The following GRID2 variants were observed in gnomAD, a reference collection of about 807,000 sequenced individuals.
GRID2 encodes the protein glutamate ionotropic receptor delta type subunit 2, also known as glutamate receptor ionotropic, delta-2.
GRID2 carries 33 observed loss-of-function variants against 114.8 expected under a neutral mutation model. That is an observed-to-expected ratio of 0.29 (90% CI 0.22 to 0.38). GRID2 has a LOEUF of 0.38. Among genes scored for constraint, GRID2 ranks in the 10% least tolerant of loss-of-function variants. The probability of loss-of-function intolerance (pLI) is 1.00; values close to 1 mark genes in which losing one functional copy is unlikely to be tolerated. For missense variants in GRID2, 1,184 were observed against 1,257.7 expected, an observed-to-expected ratio of 0.94 and a Z score of 0.89; for synonymous variants, 505 against 449.9, an observed-to-expected ratio of 1.12 and a Z score of -1.55.
In GRID2 at chr4:92,399,665, CTATATA is replaced by C. The variant is rs70940884; in HGVS notation, c.88+94936_88+94941del. Reference sequence around the variant, plus strand: ...TCTCTCTCTCTCTCTCTCTCTCTCTCTATATATATATATATATATACATACATGTGT... The same window carrying C: ...TCTCTCTCTCTCTCTCTCTCTCTCTCTATATATATATATACATACATGTGT... On this transcript the variant is annotated intron_variant, in intron 1 of 15. Coordinates refer to ENST00000282020, the MANE Select transcript of GRID2 (RefSeq NM_001510.4). Among the ~76,000 whole-genome samples the C allele has an allele frequency of 7.4e-3, 985 of 133,894 alleles. 11 individuals are homozygous for C. Among genetic ancestry groups the C allele is most frequent in the African/African-American group, 0.03 (936 of 31,428 alleles). The allele number at this position is 133,894 out of a possible 152,430, so 87.8% of individuals were successfully genotyped here.
intron 4 of GRID2, among the ~76,000 whole-genome samples, chr4:93,156,295 T>C (rs1369709491): frequency 2.0e-5 from 3 of 151,858 alleles, no homozygotes; most frequent in South Asian, 2.1e-4. Flanking sequence ...ATTAAAGATA[T>C]GGACTTTGTG....
At chr4:93,273,738 G>A (rs1751754200) in intron 8 of GRID2, among the ~76,000 whole-genome samples, 1 of 152,080 alleles carries the variant, frequency 6.6e-6, no homozygotes, top group Admixed American at 6.6e-5. Flanking sequence ...GGAGGGATTG[G>A]GCCATGAGTG....
In GRID2 at chr4:92,504,626, C is replaced by A. The variant is rs1417426211; in HGVS notation, c.89-85505C>A. 2.0e-5 allele frequency among the ~76,000 whole-genome samples: 3 copies of A among 151,922 alleles called. No individual in the cohort carries two copies. The East Asian group carries it at 5.8e-4, about 29-fold the overall frequency. On this transcript the variant is annotated intron_variant, in intron 1 of 15. Transcript: ENST00000282020. Reference sequence around the variant, plus strand: ...AATTTTTATCACTAATAAGGTTCAGCCTCTTCAACTAGAAAAGCACAACTC... The same window carrying A: ...AATTTTTATCACTAATAAGGTTCAGACTCTTCAACTAGAAAAGCACAACTC...
chr4:92,320,725 G>A (rs1002648203), intron 1 of GRID2, among the ~76,000 whole-genome samples: 1 of 152,098 alleles, frequency 6.6e-6, no homozygotes, highest in Non-Finnish European at 1.5e-5. Context: ...CGATCCACCT[G>A]CCTCGGCCTC....
intron 8 of GRID2, among the ~76,000 whole-genome samples, chr4:93,359,228 A>T (rs1761639659): frequency 6.6e-6 from 1 of 152,060 alleles, no homozygotes; most frequent in Admixed American, 6.6e-5. Context: ...AATAAAGTTA[A>T]ACCATGCATG....
intron 2 of GRID2, among the ~76,000 whole-genome samples, chr4:92,595,605 C>T (rs923023352): frequency 6.6e-6 from 1 of 151,850 alleles, no homozygotes; most frequent in Admixed American, 6.6e-5. Flanking sequence ...TTAGATCTGC[C>T]TCATATATCT....
intron 8 of GRID2, among the ~76,000 whole-genome samples, chr4:93,326,389 G>T (rs1013466792): frequency 1.4e-4 from 21 of 152,264 alleles, no homozygotes; most frequent in African/African-American, 4.8e-4. Context: ...CCTGGTGCTT[G>T]TGTGAACGTT....
chr4:92,957,395 T>C lies in GRID2; in HGVS notation c.245-127600T>C, dbSNP rs150781268. The stretch of plus-strand genomic sequence containing the variant: ...TGGTTGTCTAGTTGTTCCAGCACTG[T>C]TTTTTGAAAAAATTTCCTTTTCTCC... On this transcript the variant is annotated intron_variant, in intron 2 of 15. Coordinates refer to ENST00000282020, the MANE Select transcript of GRID2 (RefSeq NM_001510.4). 7.6e-3 allele frequency among the ~76,000 whole-genome samples: 1,162 copies of C among 152,200 alleles called. 18 individuals carry two copies. Among genetic ancestry groups the C allele is most frequent in the African/African-American group, 0.026 (1,098 of 41,566 alleles).
At chr4:93,547,453 G>A (rs1733330919) in intron 13 of GRID2, among the ~76,000 whole-genome samples, 1 of 152,154 alleles carries the variant, frequency 6.6e-6, no homozygotes, top group Non-Finnish European at 1.5e-5. Flanking sequence ...TTCACCAAGT[G>A]GCCAAGCATT....
intron 1 of GRID2, among the ~76,000 whole-genome samples, chr4:92,444,500 C>T (rs528554694): frequency 6.6e-6 from 1 of 152,148 alleles, no homozygotes; most frequent in African/African-American, 2.4e-5. Flanking sequence ...AAGGACTGGC[C>T]ATTTACACTT....
chr4:92,606,167 T>C (rs1729440509), intron 2 of GRID2, among the ~76,000 whole-genome samples: 1 of 147,404 alleles, frequency 6.8e-6, no homozygotes, highest in Non-Finnish European at 1.5e-5. Context: ...GTGGCTTTTA[T>C]AGTTTTCTGT....
intron 2 of GRID2, among the ~76,000 whole-genome samples, chr4:92,826,695 A>G (rs969639085): frequency 1.3e-5 from 2 of 152,184 alleles, no homozygotes; most frequent in South Asian, 2.1e-4. Flanking sequence ...ATTTATAATT[A>G]TCTGTATAAG....
chr4:92,900,806 C>T (rs1340862104), intron 2 of GRID2, among the ~76,000 whole-genome samples: 8 of 139,606 alleles, frequency 5.7e-5, no homozygotes, highest in African/African-American at 1.9e-4. Flanking sequence ...TACACTCCAG[C>T]CTGGGCGACA....
At chr4:93,622,696 A>G (rs752672065) in intron 13 of GRID2, among the ~76,000 whole-genome samples, 1 of 152,188 alleles carries the variant, frequency 6.6e-6, no homozygotes, top group Admixed American at 6.5e-5. Context: ...GTTCACCTCA[A>G]CAAAAGACAG....
In GRID2 at chr4:93,269,258, C is replaced by A. The variant is rs531489447; in HGVS notation, c.1245+30768C>A. ...AAATGCCAATGTCTGTTTCCCACCC[C>A]AAATTAATAAAATCAGAGTCTAGAA... On this transcript the variant is annotated intron_variant, in intron 8 of 15. Transcript: ENST00000282020. Among the ~76,000 whole-genome samples, 4 of 152,208 alleles carry A rather than the reference C, an allele frequency of 2.6e-5. No individual in the cohort carries two copies. The East Asian group carries it at 7.7e-4, about 29-fold the overall frequency.
chr4:92,452,602 A>G (rs556530157), intron 1 of GRID2, among the ~76,000 whole-genome samples: 32 of 152,238 alleles, frequency 2.1e-4, no homozygotes, highest in African/African-American at 7.0e-4. Flanking sequence ...CTGGGAATAC[A>G]GGGGTGAGCC....
At chr4:92,855,655 A>C (rs905449034) in intron 2 of GRID2, among the ~76,000 whole-genome samples, 2 of 152,008 alleles carry the variant, frequency 1.3e-5, no homozygotes, top group Admixed American at 1.3e-4. Flanking sequence ...GGAAAGTGAT[A>C]AGTTAATATA....
At chr4:93,107,468 C>A (rs1425602264) in intron 3 of GRID2, among the ~76,000 whole-genome samples, 1 of 151,942 alleles carries the variant, frequency 6.6e-6, no homozygotes, top group Non-Finnish European at 1.5e-5. Context: ...TCACTCTGAT[C>A]AAAAATTAAA....
chr4:92,940,703 T>C (rs1578541727), intron 2 of GRID2, among the ~76,000 whole-genome samples: 1 of 152,148 alleles, frequency 6.6e-6, no homozygotes, highest in South Asian at 2.1e-4. Context: ...TGGCTGTGGG[T>C]TTGTCATAGA....
Sources: gnomAD v4.1 joint callset for allele counts (sites outside exome capture counted in the v4.1 genomes callset) on GRCh38, gnomAD v4.1.1 for gene constraint, MANE v1.5 for transcripts, NCBI Gene and HGNC (gene_info 2026-07-23, HGNC 2026-07-21) for gene names.